WDR33: variants seen among roughly 807,000 people sequenced by gnomAD.
WDR33 encodes WD repeat domain 33.
A neutral mutation model predicts 164.9 loss-of-function variants in WDR33; 47 were observed. The observed-to-expected ratio is 0.29, with a 90% CI of 0.23 to 0.36. The LOEUF is 0.36. Among genes scored for constraint, WDR33 ranks in the 10% least tolerant of loss-of-function variants. The pLI is 1.00. For synonymous variants in WDR33, 505 were observed against 589.0 expected (o/e 0.86, Z 2.06); for missense variants, 1,137 against 1,754.1 (o/e 0.65, Z 6.28).
At chr2:127,759,009 C>G (rs7562644) in intron 7 of WDR33, among the ~76,000 whole-genome samples, 53,152 of 151,950 alleles carry the variant, frequency 0.35, 10,559 homozygotes, top group African/African-American at 0.54. Flanking sequence ...GCATATTTCT[C>G]GTGTGTACAA....
intron 7 of WDR33, among the ~76,000 whole-genome samples, chr2:127,755,556 T>C (rs1687494173): frequency 6.6e-6 from 1 of 152,212 alleles, no homozygotes; most frequent in Non-Finnish European, 1.5e-5. Flanking sequence ...GACCACTATT[T>C]CTCAATGGAA....
At chr2:127,793,676 G>A (rs1025626404) in intron 1 of WDR33, among the ~76,000 whole-genome samples, 3 of 152,182 alleles carry the variant, frequency 2.0e-5, no homozygotes, top group Admixed American at 2.0e-4. Context: ...AGGTGTTTGA[G>A]GCTGCAGTGA....
At chr2:127,786,223 C>T (rs957826242) in intron 1 of WDR33, among the ~76,000 whole-genome samples, 1 of 152,208 alleles carries the variant, frequency 6.6e-6, no homozygotes, top group African/African-American at 2.4e-5. Context: ...TTTGTAGAGA[C>T]AGGGTCTCAC....
chr2:127,738,192 G>A lies in WDR33; in HGVS notation c.725-11415C>T. 3.0e-6 allele frequency: 2 copies of A among 659,254 alleles called. No homozygotes were observed. The highest frequency in any genetic ancestry group is 4.6e-6 in the Non-Finnish European group (2 of 433,396). 40.8% of individuals were successfully genotyped at this position (659,254 alleles called of 1,614,324 possible). The stretch of plus-strand genomic sequence containing the variant: ...TAATGAGTAATCTGAGATAACATAT[G>A]CTCCAACTGGATCTTAACAAACATC... On this transcript the variant is annotated intron_variant, in intron 7 of 21. Coordinates refer to ENST00000322313, the MANE Select transcript of WDR33 (RefSeq NM_018383.5). This position sits in a 1 kb window ranked among gnomAD's most constrained non-coding sequence, Gnocchi z 4.4.
At chr2:127,771,065 A>T in intron 1 of WDR33, 61 bp from the exon 2 acceptor site, 11 of 1,259,278 alleles carry the variant, frequency 8.7e-6, no homozygotes, top group Non-Finnish European at 1.1e-5. Context: ...GCCTGAAAAC[A>T]TTTTTAAATG....
intron 7 of WDR33, among the ~76,000 whole-genome samples, chr2:127,761,345 C>A (rs771932097): frequency 6.6e-6 from 1 of 151,948 alleles, no homozygotes; most frequent in African/African-American, 2.4e-5. Flanking sequence ...GGACTACAGG[C>A]GCCCACCACG....
chr2:127,708,538 G>A lies in WDR33; in HGVS notation c.3781+139C>T. 1 of 927,368 alleles carries A rather than the reference G, an allele frequency of 1.1e-6. No individual in the cohort carries two copies. The highest frequency in any genetic ancestry group is 1.6e-6 in the Non-Finnish European group (1 of 625,392). 57.4% of individuals were successfully genotyped at this position (927,368 alleles called of 1,614,324 possible). ...CTGAGTTGCAGTCCACCAGATGACAGCTCGTGTGGCACTGGCACCACATTT... is the reference window on the plus strand; with the variant it reads ...CTGAGTTGCAGTCCACCAGATGACAACTCGTGTGGCACTGGCACCACATTT... On this transcript the variant is annotated intron_variant, in intron 21 of 21. Transcript: ENST00000322313. This position sits in a 1 kb window ranked among gnomAD's most constrained non-coding sequence, Gnocchi z 6.7.
chr2:127,746,462 TC>T (rs1446519829), intron 7 of WDR33, among the ~76,000 whole-genome samples: 2 of 152,214 alleles, frequency 1.3e-5, no homozygotes, highest in Non-Finnish European at 2.9e-5. Context: ...TCTTTTAGCA[TC>T]TTTCCTTGAT....
At chr2:127,711,693 T>A (rs1409743060) in intron 18 of WDR33, among the ~76,000 whole-genome samples, 1 of 146,648 alleles carries the variant, frequency 6.8e-6, no homozygotes, top group African/African-American at 2.5e-5. Flanking sequence ...TCATCAGCCT[T>A]GCTTTTCTCA....
At chr2:127,772,740 C>T (rs987788835) in intron 1 of WDR33, among the ~76,000 whole-genome samples, 1 of 152,018 alleles carries the variant, frequency 6.6e-6, no homozygotes, top group Non-Finnish European at 1.5e-5. Flanking sequence ...ATGTTAAGAC[C>T]TTATAGTTTT....
chr2:127,721,812 T>TC lies in WDR33; in HGVS notation c.1671+23dup, dbSNP rs771708347. On this transcript the variant is annotated intron_variant, in intron 15 of 21. Coordinates refer to ENST00000322313, the MANE Select transcript of WDR33 (RefSeq NM_018383.5). The surrounding 1 kb of genome is among the most constrained non-coding windows in gnomAD (Gnocchi z 4.9). ...ACTACCCTCTTAGATCATCTTGAAT[T>TC]CCCCCCTACAGAGCTTCACACACCT... 4 of 1,585,160 alleles carry TC rather than the reference T, an allele frequency of 2.5e-6. No homozygotes were observed. In the East Asian group the frequency reaches 9.0e-5, roughly 36 times the overall value.
At position 127,723,120 on chromosome 2, in the gene WDR33, A is replaced by C; in HGVS notation, c.1292-76T>G. ...CTGATAAAATTAATGCTTTATAAAA[A>C]TGAATGTCACTGATGATTTATAAAT... On this transcript the variant is annotated intron_variant, in intron 12 of 21. Coordinates refer to ENST00000322313, the MANE Select transcript of WDR33 (RefSeq NM_018383.5). This position sits in a 1 kb window ranked among gnomAD's most constrained non-coding sequence, Gnocchi z 5.9. The C allele has an allele frequency of 6.9e-7, 1 of 1,450,612 alleles. No individual in the cohort carries two copies. The allele number at this position is 1,450,612 out of a possible 1,614,324, so 89.9% of individuals were successfully genotyped here. A position where few individuals can be genotyped will look rare whatever the true frequency, so the allele number is the denominator to read the frequency against.
Position 127,711,766 on chromosome 2 carries a change from A to ATTTTTT in WDR33, c.3308+1816_3308+1817insAAAAAA, listed in dbSNP as rs1309830917. ...CACATATACAGATATATATATATATATATATATATATATATTTTTTTTTTG... is the reference window on the plus strand; with the variant it reads ...CACATATACAGATATATATATATATATTTTTTTATATATATATATATTTTTTTTTTG... On this transcript the variant is annotated intron_variant, in intron 18 of 21. Coordinates refer to ENST00000322313, the MANE Select transcript of WDR33 (RefSeq NM_018383.5). 2.3e-4 allele frequency among the ~76,000 whole-genome samples: 17 copies of ATTTTTT among 72,596 alleles called. 3 individuals carry two copies. The highest frequency in any genetic ancestry group is 1.5e-3 in the African/African-American group (12 of 7,854). The allele number at this position is 72,596 out of a possible 152,430, so 47.6% of individuals were successfully genotyped here.
rs1686113601 is a variant in WDR33 at position 127,709,850 on chromosome 2, T to C, written c.3315A>G (p.Arg1105=). 1.2e-6 allele frequency: 2 copies of C among 1,613,920 alleles called. No individual in the cohort carries two copies. Among genetic ancestry groups the C allele is most frequent in the Non-Finnish European group, 1.7e-6 (2 of 1,179,964 alleles). The change falls in exon 19 of 22, where the codon AGA becomes AGG. Residue 1105 remains arginine (R), a synonymous_variant. Transcript: ENST00000322313. The surrounding 1 kb of genome is among the most constrained non-coding windows in gnomAD (Gnocchi z 5.0). The part of the protein sequence containing the change: ...RFRGRREESF[R]RGAPPRHEGR... ...CCTCATGCCTCGGCGGGGCTCCTCT[T>C]CTGAAACTGTAAAGAGAAAACAGCA...
intron 7 of WDR33, among the ~76,000 whole-genome samples, chr2:127,757,888 T>C (rs944067561): frequency 1.1e-4 from 16 of 152,216 alleles, no homozygotes; most frequent in African/African-American, 3.6e-4. Context: ...AGTCATCTCA[T>C]GTAGTATAAA....
chr2:127,772,027 C>T (rs558779392), intron 1 of WDR33, among the ~76,000 whole-genome samples: 1 of 152,158 alleles, frequency 6.6e-6, no homozygotes, highest in East Asian at 1.9e-4. Context: ...TAATATCTAA[C>T]TGTGTTGCCC....
At chr2:127,742,809 C>A in intron 7 of WDR33, among the ~76,000 whole-genome samples, 1 of 147,548 alleles carries the variant, frequency 6.8e-6, no homozygotes, top group Non-Finnish European at 1.5e-5. Context: ...CTGCAGATGA[C>A]AGTATGCCAA....
chr2:127,727,180 G>A (rs375516607), intron 7 of WDR33, among the ~76,000 whole-genome samples: 9 of 152,130 alleles, frequency 5.9e-5, no homozygotes, highest in African/African-American at 2.2e-4. Context: ...TCTTACAGAC[G>A]AACTTGATTC....
chr2:127,711,569 G>C (rs2105372628), intron 18 of WDR33, among the ~76,000 whole-genome samples: 1 of 150,636 alleles, frequency 6.6e-6, no homozygotes, highest in East Asian at 1.9e-4. Context: ...ATATCATTAA[G>C]AGAGGGTCTT....
Sources: gnomAD v4.1 joint callset for allele counts (sites outside exome capture counted in the v4.1 genomes callset) on GRCh38, gnomAD v4.1.1 for gene constraint, Gnocchi (gnomAD v3.1) non-coding constraint, MANE v1.5 for transcripts, NCBI Gene and HGNC (gene_info 2026-07-23, HGNC 2026-07-21) for gene names.